Variants in WNK1 observed in about 807,000 individuals in gnomAD.
The protein encoded by WNK1 is serine/threonine-protein kinase WNK1.
Under a neutral mutation model 222.8 loss-of-function variants are expected in WNK1, and 38 were observed. That is an observed-to-expected ratio of 0.17 (90% confidence interval 0.13 to 0.22). WNK1 has a LOEUF of 0.22. Ranked by LOEUF, WNK1 falls within the 10% of genes least tolerant of loss-of-function variation. The pLI, the probability that WNK1 is intolerant of heterozygous loss-of-function variation, is 1.00. For synonymous variants in WNK1, 1,090 were observed against 1,092.9 expected (o/e 1.00, Z 0.05); for missense variants, 2,348 against 2,918.4 (o/e 0.80, Z 4.50).
intron 4 of WNK1, among the ~76,000 whole-genome samples, chr12:846,492 T>G (rs1306728119): frequency 4.6e-5 from 7 of 152,214 alleles, no homozygotes; most frequent in Non-Finnish European, 1.0e-4. Flanking sequence ...GTAAGTTAAT[T>G]TCTTTGATAG....
At chr12:874,138 A>G (rs1287957828) in intron 9 of WNK1, among the ~76,000 whole-genome samples, 1 of 152,026 alleles carries the variant, frequency 6.6e-6, no homozygotes, top group African/African-American at 2.4e-5. Flanking sequence ...CCTGGGCAAC[A>G]GAGCATGACT....
At chr12:878,439 G>C (rs1005602280) in intron 10 of WNK1, 78 bp downstream of exon 10, 2 of 1,471,112 alleles carry the variant, frequency 1.4e-6, no homozygotes, top group African/African-American at 1.4e-5. Flanking sequence ...CATGTAACTT[G>C]TCCTTTCATG....
At chr12:852,555 G>C (rs1950495216) in intron 4 of WNK1, among the ~76,000 whole-genome samples, 1 of 152,168 alleles carries the variant, frequency 6.6e-6, no homozygotes, top group Non-Finnish European at 1.5e-5. Flanking sequence ...TGAGAGGGCT[G>C]TATGTCCTTA....
intron 2 of WNK1, among the ~76,000 whole-genome samples, chr12:824,964 T>G (rs1421774929): frequency 1.3e-5 from 2 of 152,196 alleles, no homozygotes; most frequent in Non-Finnish European, 2.9e-5. Flanking sequence ...TAAAATAAAA[T>G]AATTCAATAT....
At chr12:779,131 G>GT (rs1591656756) in intron 1 of WNK1, among the ~76,000 whole-genome samples, 1 of 152,238 alleles carries the variant, frequency 6.6e-6, no homozygotes, top group East Asian at 1.9e-4. Flanking sequence ...CTAATTATGT[G>GT]TTTTTTCTAA....
In WNK1 at chr12:776,545, T is replaced by C. The variant is rs370849116; in HGVS notation, c.759+22221T>C. Among the ~76,000 whole-genome samples the C allele has an allele frequency of 3.2e-4, 49 of 151,558 alleles. 1 individual carries two copies. In the East Asian group the frequency reaches 6.3e-3, roughly 19 times the overall value. ...TCCCAGGTTCAAGCGATTCTTCTGCTTCAGCCTCCCGAGTAGCTGGGACTA... is the reference window on the plus strand; with the variant it reads ...TCCCAGGTTCAAGCGATTCTTCTGCCTCAGCCTCCCGAGTAGCTGGGACTA... On this transcript the variant is annotated intron_variant, in intron 1 of 27. Transcript: ENST00000315939.
intron 1 of WNK1, among the ~76,000 whole-genome samples, chr12:758,533 G>A (rs1382126862): frequency 7.0e-6 from 1 of 143,338 alleles, no homozygotes; most frequent in Non-Finnish European, 1.6e-5. Flanking sequence ...GACTACAGGC[G>A]CCCGCCACCG....
chr12:897,204 G>A (rs992715141), intron 24 of WNK1, among the ~76,000 whole-genome samples: 16 of 152,096 alleles, frequency 1.1e-4, no homozygotes, highest in African/African-American at 3.9e-4. Flanking sequence ...AGCAAATTCA[G>A]CTATTGTGTG....
intron 4 of WNK1, among the ~76,000 whole-genome samples, chr12:835,450 A>G (rs1949108178): frequency 6.6e-6 from 1 of 152,250 alleles, no homozygotes; most frequent in Admixed American, 6.5e-5. Context: ...AGTTATTGAC[A>G]TAAATGAGTT....
chr12:900,102 C>G (rs1455081111), intron 25 of WNK1, among the ~76,000 whole-genome samples: 2 of 146,920 alleles, frequency 1.4e-5, no homozygotes, highest in Non-Finnish European at 3.0e-5. Flanking sequence ...TCTCCTTCCT[C>G]AGCCTCCTGA....
At chr12:876,413 A>C (rs2154077865) in intron 9 of WNK1, among the ~76,000 whole-genome samples, 1 of 152,346 alleles carries the variant, frequency 6.6e-6, no homozygotes, top group South Asian at 2.1e-4. Flanking sequence ...CGTGTCAAAA[A>C]AAAAGAATAC....
At chr12:778,348 T>C (rs1445777511) in intron 1 of WNK1, among the ~76,000 whole-genome samples, 1 of 152,166 alleles carries the variant, frequency 6.6e-6, no homozygotes, top group Non-Finnish European at 1.5e-5. Flanking sequence ...TTTCTTTTTT[T>C]CTGAGACGGA....
At position 762,988 on chromosome 12, in the gene WNK1, C is replaced by T. The variant is rs561780831; in HGVS notation, c.759+8664C>T. On this transcript the variant is annotated intron_variant, in intron 1 of 27. Transcript: ENST00000315939. ...CTCCAACTCCCGACCTCAGGCGATC[C>T]GCCAGCCTCGGCCTCCCAAAGTGCT... 5.2e-4 allele frequency among the ~76,000 whole-genome samples: 76 copies of T among 146,582 alleles called. 4 individuals carry two copies. The highest frequency in any genetic ancestry group is 1.0e-3 in the African/African-American group (43 of 41,038).
At chr12:850,652 T>G (rs1950354807) in intron 4 of WNK1, among the ~76,000 whole-genome samples, 1 of 152,272 alleles carries the variant, frequency 6.6e-6, no homozygotes, top group Non-Finnish European at 1.5e-5. Context: ...CCCATGCCTA[T>G]GTCCTGAATG....
rs979662195 is a variant in WNK1 at position 885,530 on chromosome 12, A to G, written c.4726A>G (p.Ile1576Val). ...GLHPLVIPSVIASTPILPQAA... is the reference protein window; with the variant it reads ...GLHPLVIPSVVASTPILPQAA... The stretch of plus-strand genomic sequence containing the variant: ...GCATCCTTTGGTCATTCCATCAGTG[A>G]TAGCTTCTACTCCTATTCTTCCCCA... Residue 1576 changes from isoleucine to valine, a missense_variant, in exon 19 of 28, where the codon ATA (isoleucine) becomes GTA (valine). Coordinates refer to ENST00000315939, the MANE Select transcript of WNK1 (RefSeq NM_018979.4). 4.3e-6 allele frequency: 7 copies of G among 1,613,930 alleles called. No homozygotes were observed. The highest frequency in any genetic ancestry group is 5.9e-6 in the Non-Finnish European group (7 of 1,180,010).
chr12:778,692 G>A (rs1458778495), intron 1 of WNK1, among the ~76,000 whole-genome samples: 4 of 148,014 alleles, frequency 2.7e-5, no homozygotes, highest in East Asian at 2.0e-4. Flanking sequence ...AATATCTATC[G>A]TGCTAACATT....
intron 1 of WNK1, among the ~76,000 whole-genome samples, chr12:802,175 G>T (rs1262046267): frequency 4.6e-5 from 7 of 152,154 alleles, no homozygotes; most frequent in Non-Finnish European, 1.5e-5. Context: ...GTACGTGAAT[G>T]AACGTTTTAA....
chr12:877,052 A>ATTTTT (rs34011207), intron 9 of WNK1, among the ~76,000 whole-genome samples: 2 of 77,102 alleles, frequency 2.6e-5, no homozygotes, highest in African/African-American at 5.2e-5. Context: ...CCTAAACTTC[A>ATTTTT]TTTTTTTTTT....
intron 27 of WNK1, chr12:908,261 C>T: frequency 2.7e-6 from 2 of 749,952 alleles, no homozygotes; most frequent in Admixed American, 4.8e-5. Flanking sequence ...CTTCGTCATC[C>T]TCAACTACAC....
Sources: gnomAD v4.1 joint callset for allele counts (sites outside exome capture counted in the v4.1 genomes callset) on GRCh38, gnomAD v4.1.1 for gene constraint, MANE v1.5 for transcripts, NCBI Gene and HGNC (gene_info 2026-07-23, HGNC 2026-07-21) for gene names.